FAM184B: variants seen among roughly 807,000 people sequenced by gnomAD.
The protein encoded by FAM184B is family with sequence similarity 184 member B, also known as protein FAM184B.
A neutral mutation model predicts 135.9 loss-of-function variants in FAM184B; 111 were observed. The ratio of observed to expected loss-of-function variants is 0.82; its 90% confidence interval spans 0.70 to 0.96. The LOEUF (loss-of-function observed/expected upper bound fraction) is 0.96, where lower values mean the gene tolerates loss of function less well. Ranked by LOEUF, FAM184B falls within the 40% of genes least tolerant of loss-of-function variation. The probability of loss-of-function intolerance (pLI) is 0.00; values close to 1 mark genes in which losing one functional copy is unlikely to be tolerated. For synonymous variants in FAM184B, 552 were observed against 524.8 expected, an observed-to-expected ratio of 1.05 and a Z score of -0.71; for missense variants, 1,375 against 1,323.9, an observed-to-expected ratio of 1.04 and a Z score of -0.60.
Position 17,664,678 on chromosome 4 carries a change from A to AAC in FAM184B, c.1597-20_1597-19insGT. ...ATGGATCCTAAGGCCAAAAAAGAAA[A>AAC]AGAAAAAAAAAAAAAAGGCAAGATG... On this transcript the variant is annotated intron_variant, in intron 7 of 17. Coordinates refer to ENST00000265018, the MANE Select transcript of FAM184B (RefSeq NM_015688.2). 2 of 1,498,938 alleles carry AAC rather than the reference A, an allele frequency of 1.3e-6. No individual in the cohort carries two copies. Among genetic ancestry groups the AAC allele is most frequent in the Non-Finnish European group, 1.8e-6 (2 of 1,119,958 alleles). 92.9% of individuals were successfully genotyped at this position (1,498,938 alleles called of 1,614,324 possible).
At position 17,664,668 on chromosome 4, in the gene FAM184B, A is replaced by G. The variant is rs543306865; in HGVS notation, c.1597-9T>C. ...AGCTTCAAGCATGGATCCTAAGGCCAAAAAAGAAAAAGAAAAAAAAAAAAA... is the reference window on the plus strand; with the variant it reads ...AGCTTCAAGCATGGATCCTAAGGCCGAAAAAGAAAAAGAAAAAAAAAAAAA... On this transcript the variant is annotated splice_polypyrimidine_tract_variant and intron_variant, in intron 7 of 17. Transcript: ENST00000265018. The G allele has an allele frequency of 1.2e-5, 18 of 1,524,052 alleles. No homozygotes were observed. The East Asian group carries it at 3.5e-4, about 30-fold the overall frequency. The allele number at this position is 1,524,052 out of a possible 1,614,324, so 94.4% of individuals were successfully genotyped here. A position where few individuals can be genotyped will look rare whatever the true frequency, so the allele number is the denominator to read the frequency against.
chr4:17,660,757 G>A (rs1715898121), intron 8 of FAM184B, among the ~76,000 whole-genome samples: 1 of 150,276 alleles, frequency 6.7e-6, no homozygotes, highest in Non-Finnish European at 1.5e-5. Context: ...GGTTTAGATT[G>A]GGATGTGAAG....
rs1453863239 is a variant in FAM184B, at chr4:17,652,957, T to C, written c.2064A>G (p.Glu688=). Residue 688 remains glutamate, a synonymous_variant, in exon 11 of 18, where the codon GAA becomes GAG. Transcript: ENST00000265018. ...GTTGGATCTGGAGGCTGTGGCTGGA[T>C]TCCTTCTTCAAGCGTTCCTCTGTGG... ...LKATEERLKK[E]SSHSLQIQHQ... 1 of 1,551,654 alleles carries C rather than the reference T, an allele frequency of 6.4e-7. No homozygotes were observed. The highest frequency in any genetic ancestry group is 8.7e-7 in the Non-Finnish European group (1 of 1,146,960).
intron 1 of FAM184B, among the ~76,000 whole-genome samples, chr4:17,760,870 G>A (rs1718530723): frequency 1.3e-5 from 2 of 152,160 alleles, no homozygotes; most frequent in African/African-American, 2.4e-5. Context: ...CAGTTGAGTC[G>A]TGCTGTAGAG....
At chr4:17,699,359 T>C (rs1442757543) in intron 5 of FAM184B, among the ~76,000 whole-genome samples, 1 of 152,036 alleles carries the variant, frequency 6.6e-6, no homozygotes, top group East Asian at 1.9e-4. Context: ...ATAGATTCAA[T>C]GAGCCTATAA....
At chr4:17,743,591 T>G (rs1214678829) in intron 1 of FAM184B, among the ~76,000 whole-genome samples, 1 of 152,196 alleles carries the variant, frequency 6.6e-6, no homozygotes, top group Non-Finnish European at 1.5e-5. Context: ...AATCGTCTTG[T>G]GCTCCCTCTG....
chr4:17,742,154 ATATATATATATATATT>A (rs1211238058), intron 1 of FAM184B, among the ~76,000 whole-genome samples: 28 of 75,216 alleles, frequency 3.7e-4, no homozygotes, highest in Admixed American at 2.6e-3. Context: ...ATATATATAT[ATATATATATATATATT>A]TTTTTTTTTT....
At chr4:17,673,435 A>C (rs1391546773) in intron 7 of FAM184B, among the ~76,000 whole-genome samples, 1 of 152,182 alleles carries the variant, frequency 6.6e-6, no homozygotes, top group Non-Finnish European at 1.5e-5. Context: ...TGAGGAAAAG[A>C]AGTCATTATA....
chr4:17,675,062 A>G (rs558028423), intron 7 of FAM184B, among the ~76,000 whole-genome samples: 9 of 152,348 alleles, frequency 5.9e-5, no homozygotes, highest in African/African-American at 2.2e-4. Context: ...AATGCTTTCC[A>G]GAAGGTTTTC....
intron 1 of FAM184B, among the ~76,000 whole-genome samples, chr4:17,760,301 T>A (rs1391326101): frequency 6.6e-6 from 1 of 151,850 alleles, no homozygotes; most frequent in Non-Finnish European, 1.5e-5. Flanking sequence ...CCATCTCTAC[T>A]AAAAATACAA....
At chr4:17,693,278 G>C in intron 6 of FAM184B, 24 bp downstream of exon 6, 1 of 1,525,916 alleles carries the variant, frequency 6.6e-7, no homozygotes, top group Middle Eastern at 1.7e-4. Flanking sequence ...AGCACCCCAA[G>C]GCTTGCATTT....
intron 7 of FAM184B, among the ~76,000 whole-genome samples, chr4:17,665,283 G>T (rs1716022056): frequency 6.6e-6 from 1 of 152,166 alleles, no homozygotes; most frequent in Non-Finnish European, 1.5e-5. Context: ...AGAAGAATAT[G>T]GGAACGATTA....
At chr4:17,737,891 AG>A (rs1285688781) in intron 1 of FAM184B, among the ~76,000 whole-genome samples, 1 of 152,214 alleles carries the variant, frequency 6.6e-6, no homozygotes, top group Admixed American at 6.5e-5. Context: ...CAAAGATACA[AG>A]GGCCATGGTT....
Position 17,781,453 on chromosome 4 carries a change from G to C in FAM184B, c.-154C>G. 2.1e-6 allele frequency: 2 copies of C among 935,082 alleles called. No homozygotes were observed. The highest frequency in any genetic ancestry group is 2.9e-6 in the Non-Finnish European group (2 of 684,392). 57.9% of individuals were successfully genotyped at this position (935,082 alleles called of 1,614,324 possible). A position where few individuals can be genotyped will look rare whatever the true frequency, so the allele number is the denominator to read the frequency against. On this transcript the variant is annotated 5_prime_UTR_variant, in exon 1 of 18. Coordinates refer to ENST00000265018, the MANE Select transcript of FAM184B (RefSeq NM_015688.2). This position sits in a 1 kb window ranked among gnomAD's most constrained non-coding sequence, Gnocchi z 6.5. ...CACCGCCGCGTGGCCCCAGCTTCCC[G>C]AAGGTCTCCGCCTCCCGGGCCCACC...
At position 17,658,510 on chromosome 4, in the gene FAM184B, T is replaced by TC; in HGVS notation, c.1876dup (p.Asp626GlyfsTer19). ...CGAGAGCTGCTTGAGTGCCTGCAGG[T>TC]CCTCCCTGTAGTTGCTGGTGCACTG... On this transcript the variant is annotated frameshift_variant, in exon 10 of 18. Transcript: ENST00000265018. LOFTEE classifies it high-confidence loss of function. 6.4e-7 allele frequency: 1 copy of TC among 1,551,536 alleles called. No individual in the cohort carries two copies. Among genetic ancestry groups the TC allele is most frequent in the Non-Finnish European group, 8.7e-7 (1 of 1,146,986 alleles).
rs997539014 is a variant in FAM184B at position 17,637,035 on chromosome 4, T to G, written c.2667-390A>C. The stretch of plus-strand genomic sequence containing the variant: ...GTGGCCGGTACCTATGGCCTTTTTT[T>G]TCTTTTTTGGAGACGGAGTCTCCCT... On this transcript the variant is annotated intron_variant, in intron 14 of 17. Coordinates refer to ENST00000265018, the MANE Select transcript of FAM184B (RefSeq NM_015688.2). Among the ~76,000 whole-genome samples the G allele has an allele frequency of 3.9e-5, 6 of 152,110 alleles. No homozygotes were observed. In the East Asian group the frequency reaches 1.2e-3, roughly 29 times the overall value.
intron 1 of FAM184B, among the ~76,000 whole-genome samples, chr4:17,743,730 G>C (rs1373185279): frequency 6.6e-6 from 1 of 152,212 alleles, no homozygotes; most frequent in African/African-American, 2.4e-5. Flanking sequence ...TAGGGCAGTA[G>C]AAGAGGACTA....
At chr4:17,760,044 TC>T (rs139821947) in intron 1 of FAM184B, among the ~76,000 whole-genome samples, 6,648 of 152,178 alleles carry the variant, frequency 0.044, 474 homozygotes, top group African/African-American at 0.15. Context: ...TCATGCTGTG[TC>T]CCCTAAACAT....
At chr4:17,654,285 A>G (rs566878244) in intron 10 of FAM184B, among the ~76,000 whole-genome samples, 65 of 151,904 alleles carry the variant, frequency 4.3e-4, no homozygotes, top group Non-Finnish European at 6.9e-4. Flanking sequence ...GGAGAGATGA[A>G]TTTGGTTTCC....
Sources: gnomAD v4.1 joint callset for allele counts (sites outside exome capture counted in the v4.1 genomes callset) on GRCh38, gnomAD v4.1.1 for gene constraint, Gnocchi (gnomAD v3.1) non-coding constraint, MANE v1.5 for transcripts, NCBI Gene and HGNC (gene_info 2026-07-23, HGNC 2026-07-21) for gene names.